Variants in SCAPER observed in about 807,000 individuals in gnomAD.
The protein encoded by SCAPER is S phase cyclin A-associated protein in the endoplasmic reticulum.
A neutral mutation model predicts 182.2 loss-of-function variants in SCAPER; 98 were observed. The observed-to-expected ratio is 0.54, with a 90% CI of 0.46 to 0.64. The LOEUF (loss-of-function observed/expected upper bound fraction) is 0.64, where lower values mean the gene tolerates loss of function less well. Ranked by LOEUF, SCAPER falls within the 30% of genes least tolerant of loss-of-function variation. The probability of loss-of-function intolerance (pLI) is 0.00; values close to 1 mark genes in which losing one functional copy is unlikely to be tolerated. For missense variants in SCAPER, 1,432 were observed against 1,690.0 expected (o/e 0.85, Z 2.68); for synonymous variants, 605 against 564.6 (o/e 1.07, Z -1.01).
chr15:76,609,864 T>C (rs966908463), intron 22 of SCAPER, among the ~76,000 whole-genome samples: 3 of 152,210 alleles, frequency 2.0e-5, no homozygotes, highest in Non-Finnish European at 2.9e-5. Context: ...ACTGTGACTT[T>C]AACCAGTACT....
At chr15:76,579,609 G>C (rs1359657434) in intron 22 of SCAPER, among the ~76,000 whole-genome samples, 2 of 150,442 alleles carry the variant, frequency 1.3e-5, no homozygotes, top group Non-Finnish European at 3.0e-5. Context: ...GAGAAAGAGA[G>C]AAAGGAAGAA....
chr15:76,693,310 GGCT>G (rs2058479258), intron 20 of SCAPER, among the ~76,000 whole-genome samples: 1 of 152,122 alleles, frequency 6.6e-6, no homozygotes. Context: ...CTATTTGGAT[GGCT>G]GCTATTAAAA....
chr15:76,447,836 CA>C (rs771414244), intron 25 of SCAPER, among the ~76,000 whole-genome samples: 55 of 152,148 alleles, frequency 3.6e-4, no homozygotes, highest in Admixed American at 1.8e-3. Flanking sequence ...CCAGAGTTCA[CA>C]GGTAAGTAAA....
At chr15:76,363,185 C>T (rs780972294) in intron 29 of SCAPER, among the ~76,000 whole-genome samples, 1 of 152,176 alleles carries the variant, frequency 6.6e-6, no homozygotes, top group Non-Finnish European at 1.5e-5. Flanking sequence ...AATGGTTAAG[C>T]CCCCTATATT....
At chr15:76,385,065 G>T (rs1376665647) in intron 27 of SCAPER, 1 of 152,180 alleles carries the variant, frequency 6.6e-6, no homozygotes, top group Admixed American at 6.5e-5. Flanking sequence ...CAGGACTAGA[G>T]ATCTTAGTGA....
At chr15:76,667,028 T>C (rs1232622228) in intron 20 of SCAPER, among the ~76,000 whole-genome samples, 2 of 152,250 alleles carry the variant, frequency 1.3e-5, no homozygotes, top group South Asian at 4.1e-4. Flanking sequence ...CTTGTTTGTA[T>C]GTCTCTGATC....
intron 23 of SCAPER, among the ~76,000 whole-genome samples, chr15:76,568,224 T>TATATATATATATAC (rs1246463146): frequency 2.1e-5 from 3 of 142,850 alleles, no homozygotes; most frequent in Non-Finnish European, 3.0e-5. Flanking sequence ...TATATATATA[T>TATATATATATATAC]ACAAATGGGA....
intron 5 of SCAPER, among the ~76,000 whole-genome samples, chr15:76,837,791 G>A (rs2069087278): frequency 6.6e-6 from 1 of 152,040 alleles, no homozygotes; most frequent in Admixed American, 6.6e-5. Flanking sequence ...ACACACACGA[G>A]CATATGAAAA....
chr15:76,828,812 A>C lies in SCAPER; in HGVS notation c.393+12922T>G, dbSNP rs141662547. 2.5e-4 allele frequency among the ~76,000 whole-genome samples: 38 copies of C among 152,310 alleles called. No individual in the cohort carries two copies. The East Asian group carries it at 7.3e-3, about 29-fold the overall frequency. On this transcript the variant is annotated intron_variant, in intron 5 of 31. Transcript: ENST00000563290. ...TCCTGAATCTCATGTTCTCTGTAAC[A>C]AATTTCAATTCCTGAGCTAAAGTAT...
At chr15:76,800,093 C>G (rs1446608776) in intron 7 of SCAPER, among the ~76,000 whole-genome samples, 155 bp downstream of exon 7, 1 of 112,570 alleles carries the variant, frequency 8.9e-6, no homozygotes, top group Non-Finnish European at 2.2e-5. Context: ...CTAACCAACA[C>G]ACAGTGTTCC....
Position 76,537,249 on chromosome 15 carries a change from C to T in SCAPER, c.2839-32275G>A, listed in dbSNP as rs1238047706. Among the ~76,000 whole-genome samples, 8 of 150,142 alleles carry T rather than the reference C, an allele frequency of 5.3e-5. No individual in the cohort carries two copies. The South Asian group carries it at 1.1e-3, about 20-fold the overall frequency. ...GTTCATATGGAACCAAAAAAGAGCC[C>T]GCATCGCCAAGGCAATCCTAAGCCA... On this transcript the variant is annotated intron_variant, in intron 23 of 31. Coordinates refer to ENST00000563290, the MANE Select transcript of SCAPER (RefSeq NM_020843.4).
chr15:76,534,210 G>A (rs553940431), intron 23 of SCAPER, among the ~76,000 whole-genome samples: 3 of 152,172 alleles, frequency 2.0e-5, no homozygotes, highest in South Asian at 4.1e-4. Flanking sequence ...CAGTTCCCCT[G>A]TATTTGAAAG....
rs183487337 is a variant in SCAPER at position 76,602,447 on chromosome 15, T to C, written c.2711+19317A>G. ...GCTCCCATATAGGTAAGGTGTTTCT[T>C]TCCCCTTTGGTCTTTCAGGATTTTT... is the stretch of plus-strand genomic sequence containing the variant. On this transcript the variant is annotated intron_variant, in intron 22 of 31. Coordinates refer to ENST00000563290, the MANE Select transcript of SCAPER (RefSeq NM_020843.4). 4.2e-3 allele frequency among the ~76,000 whole-genome samples: 518 copies of C among 121,886 alleles called. 57 individuals are homozygous for C. Among genetic ancestry groups the C allele is most frequent in the African/African-American group, 0.012 (493 of 40,020 alleles). The allele number at this position is 121,886 out of a possible 152,430, so 80.0% of individuals were successfully genotyped here. A position where few individuals can be genotyped will look rare whatever the true frequency, so the allele number is the denominator to read the frequency against.
chr15:76,657,987 T>C (rs1174934530), intron 21 of SCAPER, among the ~76,000 whole-genome samples: 1 of 152,162 alleles, frequency 6.6e-6, no homozygotes, highest in Non-Finnish European at 1.5e-5. Flanking sequence ...CTGGAAGCAC[T>C]GCCCTTGAGA....
intron 4 of SCAPER, among the ~76,000 whole-genome samples, chr15:76,844,447 G>A (rs1316201128): frequency 1.3e-5 from 2 of 152,046 alleles, no homozygotes; most frequent in South Asian, 2.1e-4. Flanking sequence ...CATGTTCACA[G>A]ACTCCATCTT....
Position 76,415,990 on chromosome 15 carries a change from T to C in SCAPER, c.3312-11311A>G, listed in dbSNP as rs192037567. Among the ~76,000 whole-genome samples the C allele has an allele frequency of 1.0e-3, 152 of 152,262 alleles. 1 individual carries two copies. The highest frequency in any genetic ancestry group is 2.6e-3 in the Admixed American group (40 of 15,294). On this transcript the variant is annotated intron_variant, in intron 26 of 31. Coordinates refer to ENST00000563290, the MANE Select transcript of SCAPER (RefSeq NM_020843.4). ...ATTTAAATATTAAAAATGGCAATAA[T>C]GACTAAGTGTGAAAAAGCATTTGCA...
intron 25 of SCAPER, among the ~76,000 whole-genome samples, chr15:76,440,799 G>A (rs1202927854): frequency 1.3e-5 from 2 of 149,980 alleles, no homozygotes; most frequent in Non-Finnish European, 3.0e-5. Flanking sequence ...TAGAACTGAT[G>A]AAAGGTATTT....
intron 23 of SCAPER, among the ~76,000 whole-genome samples, chr15:76,572,962 C>T (rs949019357): frequency 6.7e-6 from 1 of 148,820 alleles, no homozygotes; most frequent in Non-Finnish European, 1.5e-5. Flanking sequence ...TGTCCACTGT[C>T]AGAATAGATT....
At chr15:76,805,853 C>T (rs2066118247) in intron 5 of SCAPER, among the ~76,000 whole-genome samples, 2 of 152,122 alleles carry the variant, frequency 1.3e-5, no homozygotes, top group Non-Finnish European at 2.9e-5. Flanking sequence ...AGGTGTGATC[C>T]ACCGTGCCCA....
Sources: allele counts gnomAD v4.1 joint callset (sites outside exome capture counted in the v4.1 genomes callset), GRCh38; gene constraint gnomAD v4.1.1; transcripts MANE v1.5; gene names NCBI Gene and HGNC (gene_info 2026-07-23, HGNC 2026-07-21).